Variants in IL2RB observed in about 807,000 individuals in gnomAD.
IL2RB encodes interleukin-2 receptor subunit beta.
Under a neutral mutation model 44.2 loss-of-function variants are expected in IL2RB, and 17 were observed. That is an observed-to-expected ratio of 0.38 (90% CI 0.26 to 0.58). The LOEUF is 0.58. Among genes scored for constraint, IL2RB ranks in the 20% least tolerant of loss-of-function variants. IL2RB has a pLI of 0.63. For synonymous variants in IL2RB, 286 were observed against 297.9 expected (o/e 0.96, Z 0.41); for missense variants, 624 against 685.5 (o/e 0.91, Z 1.00).
chr22:37,161,853 C>G (rs1041354986), intron 1 of IL2RB: 1 of 152,210 alleles, frequency 6.6e-6, no homozygotes, highest in Admixed American at 6.5e-5. Flanking sequence ...ATTAGGCTTC[C>G]CCAATCAGAA....
chr22:37,172,686 T>C (rs1030670303), intron 1 of IL2RB, among the ~76,000 whole-genome samples: 4 of 152,236 alleles, frequency 2.6e-5, no homozygotes, highest in African/African-American at 9.6e-5. Context: ...TAACTAGAAA[T>C]TGGCAAACTG....
At chr22:37,138,925 T>C in intron 5 of IL2RB, 192 bp downstream of exon 5, 1 of 570,034 alleles carries the variant, frequency 1.8e-6, no homozygotes, top group Non-Finnish European at 3.2e-6. Context: ...GGCCCAGGGC[T>C]GGATCCTGAG....
At chr22:37,152,406 G>A (rs903038325), upstream of IL2RB, among the ~76,000 whole-genome samples, 12 of 152,036 alleles carry the variant, frequency 7.9e-5, no homozygotes, top group African/African-American at 2.9e-4. Flanking sequence ...ACTAACTTTT[G>A]TATGTTGATT....
chr22:37,159,555 G>A (rs1481426766), intron 1 of IL2RB, among the ~76,000 whole-genome samples: 1 of 152,158 alleles, frequency 6.6e-6, no homozygotes, highest in Non-Finnish European at 1.5e-5. Flanking sequence ...GAGAGAAACT[G>A]TAAAACCTCT....
intron 1 of IL2RB, among the ~76,000 whole-genome samples, chr22:37,146,421 C>G (rs1922226830): frequency 6.6e-6 from 1 of 152,162 alleles, no homozygotes; most frequent in South Asian, 2.1e-4. Context: ...TGCATGTACC[C>G]AGGCCAAAGC....
At chr22:37,135,001 G>A (rs1331763760) in intron 8 of IL2RB, among the ~76,000 whole-genome samples, 1 of 152,176 alleles carries the variant, frequency 6.6e-6, no homozygotes. Flanking sequence ...CCTGAGAGCA[G>A]TGTTCTGGAC....
chr22:37,163,863 G>A (rs1434745449), intron 1 of IL2RB, among the ~76,000 whole-genome samples: 1 of 152,218 alleles, frequency 6.6e-6, no homozygotes, highest in Non-Finnish European at 1.5e-5. Flanking sequence ...CTCTTACTGG[G>A]CCAGGCTGGA....
Position 37,127,272 on chromosome 22 carries a change from A to G in IL2RB, c.*824T>C, listed in dbSNP as rs974461879. On this transcript the variant is annotated 3_prime_UTR_variant, in exon 10 of 10. Transcript: ENST00000216223. ...GCACTCTGAGGCCTCAGAGATCCCA[A>G]AGGAATAGTAACAGGGCCTCTTTCT... 3 of 152,158 alleles carry G rather than the reference A, an allele frequency of 2.0e-5. No individual in the cohort carries two copies. The highest frequency in any genetic ancestry group is 2.9e-5 in the Non-Finnish European group (2 of 68,026). The allele number at this position is 152,158 out of a possible 1,614,324, so 9.4% of individuals were successfully genotyped here. A position where few individuals can be genotyped will look rare whatever the true frequency, so the allele number is the denominator to read the frequency against.
chr22:37,149,800 C>G, intron 1 of IL2RB, 25 bp downstream of exon 1: 1 of 973,196 alleles, frequency 1.0e-6, no homozygotes, highest in African/African-American at 1.8e-5. Context: ...CCACAGGGGC[C>G]GGGAGGGAGG....
rs1922069244 is a variant in IL2RB at position 37,143,556 on chromosome 22, G to A, written c.168C>T (p.Asp56=). 1 of 1,613,568 alleles carries A rather than the reference G, an allele frequency of 6.2e-7. No individual in the cohort carries two copies. The highest frequency in any genetic ancestry group is 1.3e-5 in the African/African-American group (1 of 74,920). ...GCCAGGCATGGACTTGGCAGGAAGT[G>A]TCCTGCAGAGCCCCATCTTGGCTCC... The part of the protein sequence containing the change: ...CVWSQDGALQ[D]TSCQVHAWPD... The change falls in exon 3 of 10, where the codon GAC becomes GAT. Residue 56 remains aspartate, a synonymous_variant. Transcript: ENST00000216223.
At chr22:37,136,092 C>T (rs953098273) in intron 7 of IL2RB, 136 bp downstream of exon 7, 5 of 945,382 alleles carry the variant, frequency 5.3e-6, no homozygotes, top group Admixed American at 5.1e-5. Context: ...AAGCGAGCCC[C>T]CTGCAGGGTT....
At chr22:37,146,366 A>G (rs1315221208) in intron 1 of IL2RB, among the ~76,000 whole-genome samples, 1 of 152,138 alleles carries the variant, frequency 6.6e-6, no homozygotes, top group African/African-American at 2.4e-5. Context: ...TGGGACCGGA[A>G]TGAGGTCAGC....
At chr22:37,151,423 T>A (rs536160441), upstream of IL2RB, among the ~76,000 whole-genome samples, 75 of 152,368 alleles carry the variant, frequency 4.9e-4, no homozygotes, top group African/African-American at 1.7e-3. Flanking sequence ...CTATAATTTT[T>A]TTCCATAAAG....
At chr22:37,169,047 A>G (rs1364274143) in intron 1 of IL2RB, among the ~76,000 whole-genome samples, 1 of 151,334 alleles carries the variant, frequency 6.6e-6, no homozygotes, top group Non-Finnish European at 1.5e-5. Flanking sequence ...TTCTGTTTAC[A>G]GAAGGGTTCT....
chr22:37,132,481 G>A lies in IL2RB; in HGVS notation c.819-13C>T. ...GACCTTCTTCAGCCTGGACAGAGGA[G>A]AGGAGGGAAGGAGGAGGGTGAGAAA... On this transcript the variant is annotated splice_polypyrimidine_tract_variant and intron_variant, in intron 8 of 9. Coordinates refer to ENST00000216223, the MANE Select transcript of IL2RB (RefSeq NM_000878.5). 6.2e-7 allele frequency: 1 copy of A among 1,607,234 alleles called. No individual in the cohort carries two copies. The highest frequency in any genetic ancestry group is 1.1e-5 in the South Asian group (1 of 90,824).
intron 6 of IL2RB, among the ~76,000 whole-genome samples, chr22:37,136,725 G>A (rs3218356): frequency 0.011 from 1,613 of 152,094 alleles, 14 homozygotes; most frequent in Admixed American, 0.017. Flanking sequence ...GTTCCCACCC[G>A]TGCCCCGCTG....
chr22:37,134,041 TCC>T (rs1227873540), intron 8 of IL2RB, among the ~76,000 whole-genome samples: 1 of 152,004 alleles, frequency 6.6e-6, no homozygotes, highest in Non-Finnish European at 1.5e-5. Context: ...AAGTTTCCCC[TCC>T]CTGTTTTCTG....
At chr22:37,159,070 G>A (rs993411790) in intron 1 of IL2RB, among the ~76,000 whole-genome samples, 1 of 152,226 alleles carries the variant, frequency 6.6e-6, no homozygotes, top group African/African-American at 2.4e-5. Context: ...AACAGGTAGA[G>A]TGAAAACATT....
chr22:37,173,820 T>G (rs1168568272), intron 1 of IL2RB, among the ~76,000 whole-genome samples: 3 of 152,158 alleles, frequency 2.0e-5, no homozygotes, highest in Non-Finnish European at 2.9e-5. Context: ...CCCAAGAGCT[T>G]GAAGCCTCGT....
Sources: gnomAD v4.1 joint callset for allele counts (sites outside exome capture counted in the v4.1 genomes callset) on GRCh38, gnomAD v4.1.1 for gene constraint, MANE v1.5 for transcripts, NCBI Gene and HGNC (gene_info 2026-07-23, HGNC 2026-07-21) for gene names.